The following GLDN variants were observed in gnomAD, a reference collection of about 807,000 sequenced individuals.
The protein encoded by GLDN is collomin.
GLDN carries 47 observed loss-of-function variants against 56.5 expected under a neutral mutation model. That is an observed-to-expected ratio of 0.83 (90% confidence interval 0.66 to 1.06). The LOEUF (loss-of-function observed/expected upper bound fraction) is 1.06. Among genes scored for constraint, GLDN ranks in the 50% least tolerant of loss-of-function variants. The pLI, the probability that GLDN is intolerant of heterozygous loss-of-function variation, is 0.00. For synonymous variants in GLDN, 332 were observed against 278.8 expected (o/e 1.19, Z -1.90); for missense variants, 782 against 714.3 (o/e 1.09, Z -1.08).
chr15:51,379,998 G>A (rs775287848), intron 2 of GLDN, among the ~76,000 whole-genome samples: 8 of 152,104 alleles, frequency 5.3e-5, no homozygotes, highest in Non-Finnish European at 1.0e-4. Context: ...ACTCAGGCAC[G>A]CAGGGCACCA....
At chr15:51,350,904 A>C (rs1159194267) in intron 1 of GLDN, among the ~76,000 whole-genome samples, 3 of 152,184 alleles carry the variant, frequency 2.0e-5, no homozygotes, top group Non-Finnish European at 4.4e-5. Context: ...CAGAACTATT[A>C]AAAGTCTCTG....
intron 6 of GLDN, among the ~76,000 whole-genome samples, chr15:51,398,420 C>T (rs912955923): frequency 6.6e-6 from 1 of 152,210 alleles, no homozygotes; most frequent in Non-Finnish European, 1.5e-5. Context: ...GGACTTCTCT[C>T]CCAAAGGGGT....
chr15:51,359,060 A>G (rs184170491), intron 1 of GLDN, among the ~76,000 whole-genome samples: 97 of 152,296 alleles, frequency 6.4e-4, no homozygotes, highest in African/African-American at 1.7e-3. Flanking sequence ...CCCACTAGTA[A>G]GGACTCTCCT....
chr15:51,387,593 C>A (rs1026347248), intron 4 of GLDN, among the ~76,000 whole-genome samples: 2 of 152,120 alleles, frequency 1.3e-5, no homozygotes, highest in African/African-American at 4.8e-5. Flanking sequence ...GGGTACGCAA[C>A]CTTCCAGGCC....
At chr15:51,386,416 C>T (rs1010086471) in intron 4 of GLDN, among the ~76,000 whole-genome samples, 1 of 152,168 alleles carries the variant, frequency 6.6e-6, no homozygotes, top group Non-Finnish European at 1.5e-5. Context: ...CACTTTCCCT[C>T]CTCACCCACT....
chr15:51,394,567 C>A (rs1444146708), intron 4 of GLDN, among the ~76,000 whole-genome samples: 1 of 152,096 alleles, frequency 6.6e-6, no homozygotes, highest in South Asian at 2.1e-4. Context: ...GAGCCGAGAT[C>A]GCGCTACTGC....
chr15:51,392,854 A>G (rs1480048893), intron 4 of GLDN, among the ~76,000 whole-genome samples: 1 of 152,222 alleles, frequency 6.6e-6, no homozygotes, highest in Non-Finnish European at 1.5e-5. Flanking sequence ...GATTTTCTAC[A>G]TAAACAATCA....
At chr15:51,346,444 T>A (rs1366183011) in intron 1 of GLDN, among the ~76,000 whole-genome samples, 3 of 152,204 alleles carry the variant, frequency 2.0e-5, no homozygotes, top group Non-Finnish European at 4.4e-5. Context: ...ATGAATTTAA[T>A]AAATGATTTT....
At chr15:51,387,774 G>A (rs977041785) in intron 4 of GLDN, among the ~76,000 whole-genome samples, 4 of 152,142 alleles carry the variant, frequency 2.6e-5, no homozygotes, top group Non-Finnish European at 2.9e-5. Flanking sequence ...TATTGAGTTA[G>A]GGACCCATTT....
chr15:51,400,904 C>G (rs1162250476), intron 8 of GLDN, among the ~76,000 whole-genome samples: 1 of 152,172 alleles, frequency 6.6e-6, no homozygotes, highest in African/African-American at 2.4e-5. Flanking sequence ...GCCATCTTTC[C>G]CAGCCACCTG....
At chr15:51,404,155 G>A in intron 9 of GLDN, 122 bp from the exon 10 acceptor site, 1 of 735,330 alleles carries the variant, frequency 1.4e-6, no homozygotes. Flanking sequence ...GAGCTTGTAA[G>A]GAATGCAAAA....
intron 2 of GLDN, among the ~76,000 whole-genome samples, chr15:51,382,704 T>C (rs147344321): frequency 0.1 from 14,782 of 146,806 alleles, 1,508 homozygotes; most frequent in African/African-American, 0.26. Flanking sequence ...CCAGCCTGGG[T>C]GACAGAGCAA....
intron 1 of GLDN, among the ~76,000 whole-genome samples, chr15:51,366,505 C>T (rs1354125537): frequency 1.3e-5 from 2 of 152,218 alleles, no homozygotes; most frequent in Non-Finnish European, 2.9e-5. Flanking sequence ...AGGCACTTAT[C>T]CGTTTACACC....
chr15:51,371,830 A>C (rs1257077302), intron 1 of GLDN, among the ~76,000 whole-genome samples: 2 of 152,190 alleles, frequency 1.3e-5, no homozygotes, highest in African/African-American at 4.8e-5. Context: ...TTACAGAAGC[A>C]TGGCACAATA....
chr15:51,394,388 G>A (rs1422811585), intron 4 of GLDN, among the ~76,000 whole-genome samples: 1 of 152,094 alleles, frequency 6.6e-6, no homozygotes, highest in Non-Finnish European at 1.5e-5. Flanking sequence ...CGAGGCAGGC[G>A]GATCACCTGA....
At chr15:51,402,229 C>T (rs1028626119) in intron 9 of GLDN, among the ~76,000 whole-genome samples, 1 of 152,228 alleles carries the variant, frequency 6.6e-6, no homozygotes, top group East Asian at 1.9e-4. Flanking sequence ...TGGAGTCCTC[C>T]CAGGCCGCCC....
intron 1 of GLDN, among the ~76,000 whole-genome samples, chr15:51,372,324 A>G (rs1329484599): frequency 1.3e-5 from 2 of 152,236 alleles, no homozygotes; most frequent in South Asian, 4.1e-4. Flanking sequence ...CACTCAAACC[A>G]TAGCAGCTAC....
intron 3 of GLDN, 86 bp from the exon 4 acceptor site, chr15:51,383,699 C>T (rs1279835315): frequency 1.5e-5 from 16 of 1,097,942 alleles, no homozygotes; most frequent in Non-Finnish European, 2.0e-5. Context: ...TGCTCAGTTT[C>T]ACTGGTAAAG....
At position 51,400,887 on chromosome 15, in the gene GLDN, AC is replaced by A. The variant is rs201117820; in HGVS notation, c.1027+390del. Among the ~76,000 whole-genome samples, 629 of 152,296 alleles carry A rather than the reference AC, an allele frequency of 4.1e-3. 5 individuals carry two copies. The highest frequency in any genetic ancestry group is 0.015 in the African/African-American group (606 of 41,578). On this transcript the variant is annotated intron_variant, in intron 8 of 9. Coordinates refer to ENST00000335449, the MANE Select transcript of GLDN (RefSeq NM_181789.4). Reference sequence around the variant, plus strand: ...AAGGTTGCCGCCCTCCCAGAAGAGTACTTTTGGCCATCTTTCCCAGCCACCT... The same window carrying A: ...AAGGTTGCCGCCCTCCCAGAAGAGTATTTTGGCCATCTTTCCCAGCCACCT...
Sources: gnomAD v4.1 joint callset for allele counts (sites outside exome capture counted in the v4.1 genomes callset) on GRCh38, gnomAD v4.1.1 for gene constraint, MANE v1.5 for transcripts, NCBI Gene and HGNC (gene_info 2026-07-23, HGNC 2026-07-21) for gene names.